Variants in ABCB11 observed in about 807,000 individuals in gnomAD.
The protein encoded by ABCB11 is bile salt export pump.
Under a neutral mutation model 148.0 loss-of-function variants are expected in ABCB11, and 95 were observed. The observed-to-expected ratio is 0.64, with a 90% confidence interval of 0.54 to 0.76. ABCB11 has a LOEUF of 0.76. Among genes scored for constraint, ABCB11 ranks in the 30% least tolerant of loss-of-function variants. The probability of loss-of-function intolerance (pLI) is 0.00; values close to 1 mark genes in which losing one functional copy is unlikely to be tolerated. For synonymous variants in ABCB11, 591 were observed against 555.4 expected (o/e 1.06, Z -0.90); for missense variants, 1,523 against 1,617.8 (o/e 0.94, Z 1.01).
At chr2:168,951,004 T>A (rs1056800899) in intron 19 of ABCB11, among the ~76,000 whole-genome samples, 5 of 151,694 alleles carry the variant, frequency 3.3e-5, no homozygotes, top group Non-Finnish European at 7.4e-5. Flanking sequence ...TGCTATCCAA[T>A]TTTTCCAGCA....
intron 19 of ABCB11, among the ~76,000 whole-genome samples, chr2:168,950,453 T>C (rs1268264359): frequency 1.3e-5 from 2 of 151,724 alleles, no homozygotes; most frequent in Non-Finnish European, 2.9e-5. Context: ...TCTGTTGTTT[T>C]TATACTTTTT....
downstream of ABCB11, among the ~76,000 whole-genome samples, chr2:168,918,686 C>A (rs1026003023): frequency 6.6e-6 from 1 of 152,132 alleles, no homozygotes; most frequent in South Asian, 2.1e-4. Flanking sequence ...TTTACCCCAT[C>A]GTCTTATTTA....
chr2:168,961,177 T>A (rs932435955), intron 18 of ABCB11, among the ~76,000 whole-genome samples: 12 of 151,776 alleles, frequency 7.9e-5, no homozygotes, highest in African/African-American at 2.7e-4. Context: ...GCTCATCTAC[T>A]ATGATGCATT....
At chr2:168,954,226 GT>G (rs34477999) in intron 19 of ABCB11, among the ~76,000 whole-genome samples, 1 of 150,472 alleles carries the variant, frequency 6.6e-6, no homozygotes, top group South Asian at 2.1e-4. Context: ...CTCTTTTTCT[GT>G]TTTTTTTGTC....
downstream of ABCB11, among the ~76,000 whole-genome samples, chr2:168,920,738 A>AT (rs1218074137): frequency 1.3e-5 from 2 of 152,214 alleles, no homozygotes; most frequent in Non-Finnish European, 2.9e-5. Flanking sequence ...TGTCAGCGAT[A>AT]AAGGATACAG....
At chr2:169,003,206 C>T (rs112779928) in intron 5 of ABCB11, among the ~76,000 whole-genome samples, 19,381 of 151,246 alleles carry the variant, frequency 0.13, 1,885 homozygotes, top group East Asian at 0.35. Context: ...GAACATACAC[C>T]GTTTAGTTTT....
intron 5 of ABCB11, among the ~76,000 whole-genome samples, chr2:169,003,867 ATTTG>A (rs1694948639): frequency 1.3e-5 from 2 of 152,094 alleles, no homozygotes; most frequent in African/African-American, 4.8e-5. Flanking sequence ...TTCCCTCAGC[ATTTG>A]TTTGTCTGGA....
chr2:168,994,226 T>C (rs534794672), intron 7 of ABCB11, among the ~76,000 whole-genome samples: 1 of 152,224 alleles, frequency 6.6e-6, no homozygotes, highest in South Asian at 2.1e-4. Context: ...TGCTGAATCC[T>C]TTCAGCCTCA....
chr2:168,992,868 T>C (rs1156229332), intron 8 of ABCB11, among the ~76,000 whole-genome samples: 1 of 152,102 alleles, frequency 6.6e-6, no homozygotes, highest in Non-Finnish European at 1.5e-5. Flanking sequence ...AGTTGGTACC[T>C]ATTGCTCAAC....
chr2:169,004,835 G>T (rs1694974217), intron 5 of ABCB11, among the ~76,000 whole-genome samples: 2 of 152,084 alleles, frequency 1.3e-5, no homozygotes, highest in Non-Finnish European at 2.9e-5. Context: ...TTTGTCTCAT[G>T]GTGTGCTTCC....
At chr2:168,996,353 G>A (rs1488808879) in intron 6 of ABCB11, among the ~76,000 whole-genome samples, 2 of 151,996 alleles carry the variant, frequency 1.3e-5, no homozygotes, top group Non-Finnish European at 2.9e-5. Context: ...ACCTGCAAAT[G>A]TCCATTTCTG....
chr2:168,980,228 G>T (rs1258852413), intron 10 of ABCB11, among the ~76,000 whole-genome samples: 1 of 152,082 alleles, frequency 6.6e-6, no homozygotes, highest in Non-Finnish European at 1.5e-5. Context: ...CTTCTACAAA[G>T]TAGAACTGTC....
intron 17 of ABCB11, among the ~76,000 whole-genome samples, chr2:168,966,546 C>A (rs1574442659): frequency 6.6e-6 from 1 of 151,956 alleles, no homozygotes; most frequent in East Asian, 2.0e-4. Context: ...AAGCTGTGTA[C>A]CACTTCTCAC....
At chr2:168,972,531 G>T (rs967333495) in intron 13 of ABCB11, among the ~76,000 whole-genome samples, 1 of 151,888 alleles carries the variant, frequency 6.6e-6, no homozygotes, top group African/African-American at 2.4e-5. Flanking sequence ...ATCAGTGGGA[G>T]CAAATAAAAA....
intron 1 of ABCB11, among the ~76,000 whole-genome samples, chr2:169,029,525 G>A (rs1456128363): frequency 1.3e-5 from 2 of 152,060 alleles, no homozygotes; most frequent in African/African-American, 2.4e-5. Flanking sequence ...AGACTAAAAT[G>A]AGGCCCTTCC....
At chr2:169,011,189 A>G (rs766422068) in intron 5 of ABCB11, among the ~76,000 whole-genome samples, 4 of 152,296 alleles carry the variant, frequency 2.6e-5, no homozygotes, top group Admixed American at 2.0e-4. Context: ...TTTATTTCCA[A>G]ATTTTAAGGC....
Position 168,932,561 on chromosome 2 carries a change from G to C in ABCB11, c.3057-28C>G, listed in dbSNP as rs371431098. 21 of 1,609,350 alleles carry C rather than the reference G, an allele frequency of 1.3e-5. No individual in the cohort carries two copies. The Admixed American group carries it at 1.8e-4, about 14-fold the overall frequency. ...GTAACCAGACAGACACACAGGAAGA[G>C]AGCAGGGTGGCGTGGTTGGTGTGAT... On this transcript the variant is annotated intron_variant, in intron 23 of 27. Transcript: ENST00000650372.
In ABCB11 at chr2:168,971,841, G is replaced by A; in HGVS notation, c.1638+6C>T. 1 of 1,611,982 alleles carries A rather than the reference G, an allele frequency of 6.2e-7. No homozygotes were observed. Among genetic ancestry groups the A allele is most frequent in the Non-Finnish European group, 8.5e-7 (1 of 1,178,622 alleles). On this transcript the variant is annotated splice_donor_region_variant and intron_variant, in intron 14 of 27. Transcript: ENST00000650372. ...GTTTCTCCCAGGAATGTATGGCTAG[G>A]GGTACCTGTGGCAGGTCCATGATGA...
intron 5 of ABCB11, among the ~76,000 whole-genome samples, chr2:169,005,619 A>T (rs1303054267): frequency 2.6e-5 from 4 of 152,074 alleles, no homozygotes; most frequent in Admixed American, 2.0e-4. Flanking sequence ...TTTGCCCCAG[A>T]CCACAAGCCT....
Sources: gnomAD v4.1 joint callset for allele counts (sites outside exome capture counted in the v4.1 genomes callset) on GRCh38, gnomAD v4.1.1 for gene constraint, MANE v1.5 for transcripts, NCBI Gene and HGNC (gene_info 2026-07-23, HGNC 2026-07-21) for gene names.